The following GRM7 variants were observed in gnomAD, a reference collection of about 807,000 sequenced individuals.
GRM7 encodes the protein glutamate metabotropic receptor 7.
In GRM7, 35 loss-of-function variants were observed where a neutral mutation model predicts 84.5. The ratio of observed to expected loss-of-function variants is 0.41; its 90% CI spans 0.32 to 0.55. GRM7 has a LOEUF of 0.55. Ranked by LOEUF, GRM7 falls within the 20% of genes least tolerant of loss-of-function variation. The probability of loss-of-function intolerance (pLI) is 0.19; values close to 1 mark genes in which losing one functional copy is unlikely to be tolerated. For missense variants in GRM7, 1,003 were observed against 1,194.6 expected, an observed-to-expected ratio of 0.84 and a Z score of 2.36; for synonymous variants, 487 against 455.1, an observed-to-expected ratio of 1.07 and a Z score of -0.89.
intron 4 of GRM7, among the ~76,000 whole-genome samples, chr3:7,371,762 C>G (rs1422787071): frequency 6.6e-6 from 1 of 152,070 alleles, no homozygotes. Context: ...ACTTGAACAG[C>G]CCATGAGTTT....
At chr3:7,684,885 C>T (rs570108131) in intron 9 of GRM7, among the ~76,000 whole-genome samples, 1 of 152,332 alleles carries the variant, frequency 6.6e-6, no homozygotes, top group South Asian at 2.1e-4. Flanking sequence ...GCAAATAAGA[C>T]TTCCATTGCT....
intron 1 of GRM7, among the ~76,000 whole-genome samples, chr3:7,060,436 C>A (rs1233836272): frequency 6.6e-6 from 1 of 151,876 alleles, no homozygotes; most frequent in African/African-American, 2.4e-5. Flanking sequence ...GTGAAAAAAA[C>A]ATATGCTGTC....
At chr3:7,617,297 A>G (rs1359845879) in intron 8 of GRM7, among the ~76,000 whole-genome samples, 1 of 152,166 alleles carries the variant, frequency 6.6e-6, no homozygotes, top group Non-Finnish European at 1.5e-5. Context: ...TTATAATAAA[A>G]GTGTCTTAGC....
chr3:7,612,829 G>A (rs1214690862), intron 8 of GRM7, among the ~76,000 whole-genome samples: 1 of 152,152 alleles, frequency 6.6e-6, no homozygotes, highest in Non-Finnish European at 1.5e-5. Context: ...AAAACTGCAT[G>A]AATTTGAATT....
At chr3:7,215,207 C>T (rs1385662766) in intron 2 of GRM7, among the ~76,000 whole-genome samples, 2 of 152,138 alleles carry the variant, frequency 1.3e-5, no homozygotes, top group African/African-American at 4.8e-5. Context: ...AGTAATGTAT[C>T]ATTTCCGATC....
chr3:6,945,594 G>T (rs1025708637), intron 1 of GRM7, among the ~76,000 whole-genome samples: 2 of 151,964 alleles, frequency 1.3e-5, no homozygotes, highest in African/African-American at 4.8e-5. Context: ...GGGATGGCTG[G>T]GTCAAATGGT....
intron 4 of GRM7, among the ~76,000 whole-genome samples, chr3:7,395,343 A>AT (rs1259710966): frequency 2.0e-5 from 3 of 152,106 alleles, no homozygotes; most frequent in South Asian, 2.1e-4. Flanking sequence ...TTGGATAGGC[A>AT]TTTTTTCTCA....
chr3:6,875,712 C>G (rs555905254), intron 1 of GRM7, among the ~76,000 whole-genome samples: 41 of 152,236 alleles, frequency 2.7e-4, no homozygotes, highest in African/African-American at 9.1e-4. Flanking sequence ...ATGTCGTTGA[C>G]TTATCCATTT....
intron 2 of GRM7, among the ~76,000 whole-genome samples, chr3:7,247,411 A>C (rs1457839754): frequency 1.3e-5 from 2 of 151,944 alleles, no homozygotes; most frequent in East Asian, 3.9e-4. Flanking sequence ...ATCTCTACAA[A>C]ATATTTAAAA....
At chr3:6,962,037 T>C (rs1693322532) in intron 1 of GRM7, among the ~76,000 whole-genome samples, 1 of 152,244 alleles carries the variant, frequency 6.6e-6, no homozygotes, top group Non-Finnish European at 1.5e-5. Flanking sequence ...TTTTCCTTAA[T>C]TCACTGCAAC....
intron 4 of GRM7, among the ~76,000 whole-genome samples, chr3:7,393,973 A>G (rs1695105820): frequency 6.6e-6 from 1 of 152,120 alleles, no homozygotes; most frequent in African/African-American, 2.4e-5. Flanking sequence ...CACCTTAGGC[A>G]CTCTGTATGT....
At chr3:7,200,387 C>A (rs1696024406) in intron 2 of GRM7, among the ~76,000 whole-genome samples, 1 of 152,132 alleles carries the variant, frequency 6.6e-6, no homozygotes, top group African/African-American at 2.4e-5. Context: ...ATGAAAGTTT[C>A]AAAAACTCTG....
intron 1 of GRM7, among the ~76,000 whole-genome samples, chr3:7,061,740 C>T (rs191637515): frequency 2.6e-5 from 4 of 151,736 alleles, no homozygotes; most frequent in Admixed American, 1.3e-4. Flanking sequence ...GAGTGCTTTG[C>T]ATACACAACC....
At position 7,531,722 on chromosome 3, in the gene GRM7, C is replaced by G. The variant is rs1701043855; in HGVS notation, c.1516-46700C>G. 2.0e-5 allele frequency among the ~76,000 whole-genome samples: 3 copies of G among 152,124 alleles called. No homozygotes were observed. The South Asian group carries it at 6.2e-4, about 32-fold the overall frequency. ...TTTGGGGCTGAGATGATGAGGTTTT[C>G]TAAATAGACAATCATGTAATCTGCA... On this transcript the variant is annotated intron_variant, in intron 7 of 9. Transcript: ENST00000357716.
At chr3:7,059,193 T>G (rs1238366156) in intron 1 of GRM7, among the ~76,000 whole-genome samples, 1 of 151,836 alleles carries the variant, frequency 6.6e-6, no homozygotes, top group Non-Finnish European at 1.5e-5. Flanking sequence ...TACACATATA[T>G]GTAACAGTGT....
chr3:7,233,605 C>T (rs1697260673), intron 2 of GRM7, among the ~76,000 whole-genome samples: 2 of 152,074 alleles, frequency 1.3e-5, no homozygotes, highest in Admixed American at 6.6e-5. Context: ...TGTAATTGTA[C>T]CAACTATGAG....
chr3:7,711,042 C>T (rs1055171305), intron 9 of GRM7, among the ~76,000 whole-genome samples: 1 of 152,190 alleles, frequency 6.6e-6, no homozygotes, highest in African/African-American at 2.4e-5. Flanking sequence ...TTTCTGGTTG[C>T]TCTGTTTCAT....
chr3:7,560,768 C>T (rs1337716563), intron 7 of GRM7, among the ~76,000 whole-genome samples: 1 of 152,122 alleles, frequency 6.6e-6, no homozygotes, highest in Non-Finnish European at 1.5e-5. Flanking sequence ...TTTGCTACTT[C>T]TCTCATCTTC....
Position 7,486,023 on chromosome 3 carries a change from G to A in GRM7, c.1515+24301G>A, listed in dbSNP as rs1375924. 0.027 allele frequency among the ~76,000 whole-genome samples: 4,108 copies of A among 152,164 alleles called. 180 individuals are homozygous for A. Among genetic ancestry groups the A allele is most frequent in the African/African-American group, 0.094 (3,905 of 41,504 alleles). Reference sequence around the variant, plus strand: ...ACATATATAAACAAATACAGTAAATGTGTATTTATTTACATACCACATCTT... The same window carrying A: ...ACATATATAAACAAATACAGTAAATATGTATTTATTTACATACCACATCTT... On this transcript the variant is annotated intron_variant, in intron 7 of 9. Transcript: ENST00000357716. The surrounding 1 kb of genome is among the most constrained non-coding windows in gnomAD (Gnocchi z 5.5).
Sources: gnomAD v4.1 joint callset for allele counts (sites outside exome capture counted in the v4.1 genomes callset) on GRCh38, gnomAD v4.1.1 for gene constraint, Gnocchi (gnomAD v3.1) non-coding constraint, MANE v1.5 for transcripts, NCBI Gene and HGNC (gene_info 2026-07-23, HGNC 2026-07-21) for gene names.